The following FRMD4A variants were observed in gnomAD, a reference collection of about 807,000 sequenced individuals.
FRMD4A encodes the protein FERM domain containing 4A.
A neutral mutation model predicts 129.1 loss-of-function variants in FRMD4A; 29 were observed. That is an observed-to-expected ratio of 0.22 (90% CI 0.17 to 0.31). The LOEUF is 0.31. Among genes scored for constraint, FRMD4A ranks in the 10% least tolerant of loss-of-function variants. The probability of loss-of-function intolerance (pLI) is 1.00; values close to 1 mark genes in which losing one functional copy is unlikely to be tolerated. For missense variants in FRMD4A, 1,272 were observed against 1,375.8 expected (o/e 0.92, Z 1.19); for synonymous variants, 634 against 571.6 (o/e 1.11, Z -1.56).
At chr10:13,982,021 C>T (rs1364223273) in intron 2 of FRMD4A, among the ~76,000 whole-genome samples, 2 of 152,114 alleles carry the variant, frequency 1.3e-5, no homozygotes, top group East Asian at 1.9e-4. Flanking sequence ...CTGATCCTCC[C>T]GTCTCTGGCC....
intron 2 of FRMD4A, among the ~76,000 whole-genome samples, chr10:14,116,425 T>C (rs977687361): frequency 2.6e-5 from 4 of 152,188 alleles, no homozygotes; most frequent in African/African-American, 7.2e-5. Context: ...AATAATGCAG[T>C]GTTTTATTTC....
At chr10:14,062,311 T>C (rs1834852214) in intron 2 of FRMD4A, among the ~76,000 whole-genome samples, 1 of 152,198 alleles carries the variant, frequency 6.6e-6, no homozygotes, top group African/African-American at 2.4e-5. Flanking sequence ...TAGGATTACA[T>C]TTATGTAAAA....
chr10:14,077,442 A>G (rs2131726791), intron 2 of FRMD4A, among the ~76,000 whole-genome samples: 1 of 152,242 alleles, frequency 6.6e-6, no homozygotes, highest in South Asian at 2.1e-4. Context: ...AATAATGCCT[A>G]CCTCACTGAT....
At chr10:14,257,746 T>C (rs1438418501) in intron 2 of FRMD4A, among the ~76,000 whole-genome samples, 1 of 152,206 alleles carries the variant, frequency 6.6e-6, no homozygotes, top group Non-Finnish European at 1.5e-5. Flanking sequence ...GCCAAAGCAC[T>C]GCTTAGGAGT....
intron 2 of FRMD4A, among the ~76,000 whole-genome samples, chr10:14,044,452 T>C (rs1038877767): frequency 6.6e-5 from 10 of 152,244 alleles, no homozygotes; most frequent in African/African-American, 1.7e-4. Context: ...CATGAGATCA[T>C]CCTGGATTAG....
chr10:14,200,442 C>A (rs1209158235), intron 2 of FRMD4A, among the ~76,000 whole-genome samples: 1 of 152,044 alleles, frequency 6.6e-6, no homozygotes, highest in African/African-American at 2.4e-5. Flanking sequence ...CACAGGCACC[C>A]CCACCTTGCA....
intron 2 of FRMD4A, among the ~76,000 whole-genome samples, chr10:14,180,841 A>G (rs554197298): frequency 6.6e-6 from 1 of 152,340 alleles, no homozygotes; most frequent in South Asian, 2.1e-4. Context: ...CCCCAGATCA[A>G]TGTCTAAGCT....
chr10:14,311,393 C>G (rs1285491832), intron 2 of FRMD4A, among the ~76,000 whole-genome samples: 1 of 152,198 alleles, frequency 6.6e-6, no homozygotes, highest in Admixed American at 6.5e-5. Flanking sequence ...GCCAATTCAA[C>G]CGGCTGAGTG....
chr10:14,279,000 G>A (rs12256837), intron 2 of FRMD4A, among the ~76,000 whole-genome samples: 2 of 152,048 alleles, frequency 1.3e-5, no homozygotes, highest in Non-Finnish European at 2.9e-5. Context: ...GTAAGGTATG[G>A]ACACTGCTTT....
chr10:13,705,893 A>T (rs990920415), intron 13 of FRMD4A, among the ~76,000 whole-genome samples: 8 of 152,194 alleles, frequency 5.3e-5, no homozygotes. Context: ...CCTACACAGG[A>T]GTGGCTGTTT....
chr10:14,062,451 A>C (rs1402064824), intron 2 of FRMD4A, among the ~76,000 whole-genome samples: 1 of 152,202 alleles, frequency 6.6e-6, no homozygotes, highest in East Asian at 1.9e-4. Flanking sequence ...CTTTGTGGCC[A>C]ATGCTGAAGG....
rs77634360 is a variant in FRMD4A, at chr10:13,907,659, T to C, written c.46-48747A>G. On this transcript the variant is annotated intron_variant, in intron 2 of 24. Transcript: ENST00000357447. ...CCTGCCCAATGGCTCCTAGTGACTC[T>C]GAGGGACATTCACAATGAGAATAGA... is the stretch of plus-strand genomic sequence containing the variant. Among the ~76,000 whole-genome samples, 116 of 152,302 alleles carry C rather than the reference T, an allele frequency of 7.6e-4. 2 individuals are homozygous for C. In the East Asian group the frequency reaches 0.02, roughly 26 times the overall value.
In FRMD4A at chr10:13,985,191, G is replaced by A. The variant is rs562920011; in HGVS notation, c.46-126279C>T. Among the ~76,000 whole-genome samples, 3 of 152,356 alleles carry A rather than the reference G, an allele frequency of 2.0e-5. No homozygotes were observed. In the East Asian group the frequency reaches 5.8e-4, roughly 29 times the overall value. On this transcript the variant is annotated intron_variant, in intron 2 of 24. Coordinates refer to ENST00000357447, the MANE Select transcript of FRMD4A (RefSeq NM_018027.5). ...CATTCCGGGCTGGAGTGGGAGCTTA[G>A]CTCTGAAGTCCGGCTCACGTGTTTG...
chr10:13,889,613 T>A (rs958595354), intron 2 of FRMD4A, among the ~76,000 whole-genome samples: 1 of 152,184 alleles, frequency 6.6e-6, no homozygotes, highest in East Asian at 1.9e-4. Flanking sequence ...TAACAAGTCT[T>A]ATTAATAAAA....
chr10:13,914,419 C>T (rs2131237445), intron 2 of FRMD4A, among the ~76,000 whole-genome samples: 1 of 152,248 alleles, frequency 6.6e-6, no homozygotes, highest in East Asian at 1.9e-4. Context: ...ATATTATTAA[C>T]AAGGTCAATA....
Position 14,225,334 on chromosome 10 carries a change from C to A in FRMD4A, c.45+104724G>T, listed in dbSNP as rs193110089. ...GAAGGAAGAAAAGCTTTCAAATCAA[C>A]ACCTAATGGATTAAAGCAGAGAGAC... is the stretch of plus-strand genomic sequence containing the variant. On this transcript the variant is annotated intron_variant, in intron 2 of 24. Transcript: ENST00000357447. Among the ~76,000 whole-genome samples, 367 of 152,324 alleles carry A rather than the reference C, an allele frequency of 2.4e-3. 2 individuals carry two copies. The highest frequency in any genetic ancestry group is 2.6e-3 in the Non-Finnish European group (177 of 68,034).
At chr10:13,827,497 G>A (rs2093720682) in intron 3 of FRMD4A, among the ~76,000 whole-genome samples, 1 of 152,212 alleles carries the variant, frequency 6.6e-6, no homozygotes, top group African/African-American at 2.4e-5. Context: ...TTTAACGCAT[G>A]CTAATGTCGG....
chr10:14,204,230 C>T (rs889959464), intron 2 of FRMD4A, among the ~76,000 whole-genome samples: 2 of 147,766 alleles, frequency 1.4e-5, no homozygotes, highest in Non-Finnish European at 3.0e-5. Context: ...TCAAGACCAG[C>T]CTGGGTCTTG....
intron 2 of FRMD4A, among the ~76,000 whole-genome samples, chr10:13,943,557 A>G (rs994804273): frequency 8.9e-5 from 13 of 146,318 alleles, no homozygotes; most frequent in Non-Finnish European, 1.8e-4. Context: ...CTGAGACAGG[A>G]GAATCATTTG....
Sources: allele counts gnomAD v4.1 joint callset (sites outside exome capture counted in the v4.1 genomes callset), GRCh38; gene constraint gnomAD v4.1.1; transcripts MANE v1.5; gene names NCBI Gene and HGNC (gene_info 2026-07-23, HGNC 2026-07-21).